Variants in SLC9A9 observed in about 807,000 individuals in gnomAD.
SLC9A9 encodes the protein solute carrier family 9 member A9, also known as sodium/hydrogen exchanger 9.
Under a neutral mutation model 77.8 loss-of-function variants are expected in SLC9A9, and 62 were observed. The ratio of observed to expected loss-of-function variants is 0.80; its 90% CI spans 0.65 to 0.98. SLC9A9 has a LOEUF of 0.98. Among genes scored for constraint, SLC9A9 ranks in the 50% least tolerant of loss-of-function variants. The probability of loss-of-function intolerance (pLI) is 0.00; values close to 1 mark genes in which losing one functional copy is unlikely to be tolerated. For synonymous variants in SLC9A9, 320 were observed against 283.5 expected (o/e 1.13, Z -1.29); for missense variants, 775 against 774.9 (o/e 1.00, Z 0.00).
intron 6 of SLC9A9, among the ~76,000 whole-genome samples, chr3:143,633,018 C>G (rs1247763869): frequency 1.3e-5 from 2 of 152,216 alleles, no homozygotes; most frequent in African/African-American, 4.8e-5. Flanking sequence ...GTTTTACTCT[C>G]ATCATTTAAA....
At chr3:143,586,079 A>G (rs1287278320) in intron 6 of SLC9A9, among the ~76,000 whole-genome samples, 1 of 152,190 alleles carries the variant, frequency 6.6e-6, no homozygotes, top group Non-Finnish European at 1.5e-5. Flanking sequence ...TTACACCTCA[A>G]ACACTGCACT....
chr3:143,632,909 C>G (rs571317292), intron 6 of SLC9A9, among the ~76,000 whole-genome samples: 1 of 152,160 alleles, frequency 6.6e-6, no homozygotes, highest in Non-Finnish European at 1.5e-5. Context: ...CTATCCTGTT[C>G]CAAGTCACCA....
At position 143,493,492 on chromosome 3, in the gene SLC9A9, T is replaced by A. The variant is rs565318241; in HGVS notation, c.1315+161A>T. ...ATTTCCCACTTGGAAAGAGAAATCCTGCTGTTGCTCAGCACTTACGGAGAA... is the reference window on the plus strand; with the variant it reads ...ATTTCCCACTTGGAAAGAGAAATCCAGCTGTTGCTCAGCACTTACGGAGAA... On this transcript the variant is annotated intron_variant, in intron 11 of 15. Coordinates refer to ENST00000316549, the MANE Select transcript of SLC9A9 (RefSeq NM_173653.4). Among the ~76,000 whole-genome samples the A allele has an allele frequency of 4.6e-5, 7 of 152,328 alleles. No individual in the cohort carries two copies. In the South Asian group the frequency reaches 1.5e-3, roughly 32 times the overall value.
At chr3:143,729,922 A>G (rs1472820145) in intron 4 of SLC9A9, among the ~76,000 whole-genome samples, 1 of 152,186 alleles carries the variant, frequency 6.6e-6, no homozygotes, top group Non-Finnish European at 1.5e-5. Flanking sequence ...CTGGGTAAAT[A>G]TGTTTTATTA....
intron 11 of SLC9A9, among the ~76,000 whole-genome samples, chr3:143,477,330 A>ATTTTTT (rs59195338): frequency 0.074 from 7,394 of 99,730 alleles, 314 homozygotes; most frequent in Middle Eastern, 0.11. Flanking sequence ...GGCTTCTTCA[A>ATTTTTT]TTTTTTTTTT....
At chr3:143,420,500 C>A (rs2034278262) in intron 12 of SLC9A9, among the ~76,000 whole-genome samples, 1 of 152,212 alleles carries the variant, frequency 6.6e-6, no homozygotes, top group Non-Finnish European at 1.5e-5. Context: ...GCGACTTATA[C>A]ACAATTGCTA....
At chr3:143,373,563 G>A (rs13082613) in intron 13 of SLC9A9, among the ~76,000 whole-genome samples, 87,283 of 140,838 alleles carry the variant, frequency 0.62, 27,102 homozygotes, top group African/African-American at 0.65. Context: ...TAATTCATCC[G>A]TGTAACCAAA....
At chr3:143,640,410 T>C (rs1198082157) in intron 6 of SLC9A9, among the ~76,000 whole-genome samples, 1 of 152,194 alleles carries the variant, frequency 6.6e-6, no homozygotes, top group African/African-American at 2.4e-5. Flanking sequence ...TCTTAGAACA[T>C]GGCTGGCTAT....
chr3:143,452,016 A>T (rs1054179652), intron 12 of SLC9A9, among the ~76,000 whole-genome samples: 1 of 152,146 alleles, frequency 6.6e-6, no homozygotes, highest in African/African-American at 2.4e-5. Flanking sequence ...AATTTGAGTA[A>T]CATAATCAAG....
chr3:143,586,119 A>C (rs2037537432), intron 6 of SLC9A9, among the ~76,000 whole-genome samples: 1 of 151,984 alleles, frequency 6.6e-6, no homozygotes, highest in Non-Finnish European at 1.5e-5. Context: ...TTCCTTCCCC[A>C]CCCCGTCATA....
At chr3:143,618,186 T>C (rs2038139596) in intron 6 of SLC9A9, among the ~76,000 whole-genome samples, 1 of 152,188 alleles carries the variant, frequency 6.6e-6, no homozygotes, top group East Asian at 1.9e-4. Context: ...TCCTGAGCCC[T>C]CTTAGGGAAT....
intron 9 of SLC9A9, among the ~76,000 whole-genome samples, chr3:143,522,590 T>A (rs957496888): frequency 6.6e-6 from 1 of 152,094 alleles, no homozygotes; most frequent in Non-Finnish European, 1.5e-5. Flanking sequence ...CATCTCATCT[T>A]CCCTGTCTAG....
intron 14 of SLC9A9, among the ~76,000 whole-genome samples, chr3:143,338,011 T>C (rs958662025): frequency 5.3e-5 from 8 of 152,208 alleles, no homozygotes; most frequent in African/African-American, 1.9e-4. Context: ...AAGTGACTTT[T>C]GTGTATAAGA....
rs1000797755 is a variant in SLC9A9, at chr3:143,750,112, C to T, written c.533+44889G>A. ...GAGAAAGAGACTCTAAAGTCAGCTTCCTGGTTAAATGCATAATGCCGTATT... is the reference window on the plus strand; with the variant it reads ...GAGAAAGAGACTCTAAAGTCAGCTTTCTGGTTAAATGCATAATGCCGTATT... On this transcript the variant is annotated intron_variant, in intron 4 of 15. Transcript: ENST00000316549. Among the ~76,000 whole-genome samples, 3 of 152,236 alleles carry T rather than the reference C, an allele frequency of 2.0e-5. No homozygotes were observed. In the South Asian group the frequency reaches 6.2e-4, roughly 32 times the overall value.
rs747034373 is a variant in SLC9A9, at chr3:143,382,081, C to T, written c.1503G>A (p.Glu501=). 3.1e-6 allele frequency: 5 copies of T among 1,614,100 alleles called. No individual in the cohort carries two copies. The South Asian group carries it at 5.5e-5, about 18-fold the overall frequency. The stretch of plus-strand genomic sequence containing the variant: ...TTGCCTGGTGTTGTGAGGAGGGGTC[C>T]TCCTTCAGATTTTCATCCAGGTCCA... The part of the protein sequence containing the change: ...VGVDLDENLK[E]DPSSQHQEAN... The change falls in exon 13 of 16, where the codon GAG becomes GAA. Residue 501 remains glutamate (E), a synonymous_variant. Coordinates refer to ENST00000316549, the MANE Select transcript of SLC9A9 (RefSeq NM_173653.4).
intron 12 of SLC9A9, among the ~76,000 whole-genome samples, chr3:143,466,615 A>G (rs964075428): frequency 2.0e-5 from 3 of 152,224 alleles, no homozygotes; most frequent in Admixed American, 6.5e-5. Context: ...TTCTGTTGTA[A>G]GTGCGGTGAG....
chr3:143,485,466 G>C (rs2035639717), intron 11 of SLC9A9, among the ~76,000 whole-genome samples: 1 of 152,102 alleles, frequency 6.6e-6, no homozygotes, highest in Non-Finnish European at 1.5e-5. Flanking sequence ...GAGAAATTAG[G>C]AGGTGACTTT....
chr3:143,606,743 G>A (rs1387320451), intron 6 of SLC9A9, among the ~76,000 whole-genome samples: 1 of 151,452 alleles, frequency 6.6e-6, no homozygotes, highest in Admixed American at 6.6e-5. Context: ...AGGATCTGAG[G>A]GAATCATCCA....
intron 5 of SLC9A9, among the ~76,000 whole-genome samples, chr3:143,684,492 C>T (rs1478227584): frequency 6.6e-6 from 1 of 152,004 alleles, no homozygotes; most frequent in African/African-American, 2.4e-5. Flanking sequence ...AATTTAGGAA[C>T]ATTAAATGTG....
Sources: allele counts gnomAD v4.1 joint callset (sites outside exome capture counted in the v4.1 genomes callset), GRCh38; gene constraint gnomAD v4.1.1; transcripts MANE v1.5; gene names NCBI Gene and HGNC (gene_info 2026-07-23, HGNC 2026-07-21).